The following SPATA9 variants were observed in gnomAD, a reference collection of about 807,000 sequenced individuals.
SPATA9 encodes spermatogenesis-associated protein 9.
SPATA9 carries 27 observed loss-of-function variants against 25.5 expected under a neutral mutation model. The observed-to-expected ratio is 1.06, with a 90% confidence interval of 0.78 to 1.46. The LOEUF (loss-of-function observed/expected upper bound fraction) is 1.46. Among genes scored for constraint, SPATA9 ranks in the 40% most tolerant of loss-of-function variants. The probability of loss-of-function intolerance (pLI) is 0.00; values close to 1 mark genes in which losing one functional copy is unlikely to be tolerated. For missense variants in SPATA9, 282 were observed against 297.5 expected, an observed-to-expected ratio of 0.95 and a Z score of 0.38; for synonymous variants, 102 against 105.7, an observed-to-expected ratio of 0.97 and a Z score of 0.21.
the SPATA9 span, among the ~76,000 whole-genome samples, chr5:95,715,133 G>T: frequency 6.6e-6 from 1 of 152,022 alleles, no homozygotes; most frequent in East Asian, 1.9e-4. Flanking sequence ...AGACCACCCT[G>T]GCCAACATGG....
At chr5:95,654,137 A>G (rs780145449), downstream of SPATA9, 2 of 1,612,198 alleles carry the variant, frequency 1.2e-6, no homozygotes, top group Admixed American at 1.7e-5. Context: ...AGAAGATGAC[A>G]TTAAAAAATC....
chr5:95,683,213 G>A (rs1236175234), upstream of SPATA9, among the ~76,000 whole-genome samples: 6 of 152,122 alleles, frequency 3.9e-5, no homozygotes, highest in Admixed American at 6.5e-5. Context: ...GAGAACAAAA[G>A]GTCCCTTTGA....
At chr5:95,696,720 T>A (rs1754032329) in intron 1 of SPATA9, among the ~76,000 whole-genome samples, 1 of 152,016 alleles carries the variant, frequency 6.6e-6, no homozygotes, top group Admixed American at 6.6e-5. Context: ...TTACAACAAA[T>A]TAAAAGAATT....
At chr5:95,704,739 G>A in the SPATA9 span, among the ~76,000 whole-genome samples, 140 of 152,098 alleles carry the variant, frequency 9.2e-4, 1 homozygote, top group African/African-American at 2.8e-3. Flanking sequence ...ATTTCTCACC[G>A]TTTTAGAGGC....
At chr5:95,707,882 T>C in the SPATA9 span, among the ~76,000 whole-genome samples, 3 of 152,322 alleles carry the variant, frequency 2.0e-5, no homozygotes, top group South Asian at 4.2e-4. Context: ...AGGTTGGGCA[T>C]TACATTCCCC....
upstream of SPATA9, among the ~76,000 whole-genome samples, chr5:95,700,754 G>A (rs991916414): frequency 6.6e-6 from 1 of 152,096 alleles, no homozygotes; most frequent in Non-Finnish European, 1.5e-5. Flanking sequence ...TATAACTATA[G>A]TACAATATCA....
chr5:95,726,699 C>A, the SPATA9 span, among the ~76,000 whole-genome samples: 1 of 152,212 alleles, frequency 6.6e-6, no homozygotes, highest in Non-Finnish European at 1.5e-5. Context: ...CTTGTGCTTG[C>A]ATTTTTAACA....
At chr5:95,653,307 C>T in intron 8 of SPATA9, 2 of 1,508,676 alleles carry the variant, frequency 1.3e-6, no homozygotes, top group Non-Finnish European at 1.8e-6. Flanking sequence ...GTACTCCAGG[C>T]AAAACCAAGT....
At chr5:95,729,979 A>C in the SPATA9 span, among the ~76,000 whole-genome samples, 5 of 152,190 alleles carry the variant, frequency 3.3e-5, no homozygotes, top group Non-Finnish European at 5.9e-5. Flanking sequence ...TATATTTTCT[A>C]TTAACCCAAG....
At chr5:95,727,541 A>G in the SPATA9 span, among the ~76,000 whole-genome samples, 1 of 152,236 alleles carries the variant, frequency 6.6e-6, no homozygotes, top group Non-Finnish European at 1.5e-5. Context: ...CCACTAAAAT[A>G]GGAAAAAAAT....
chr5:95,715,672 G>A, the SPATA9 span, among the ~76,000 whole-genome samples: 1 of 152,098 alleles, frequency 6.6e-6, no homozygotes, highest in East Asian at 1.9e-4. Context: ...ATGATCTCAG[G>A]GTAGGGAAGA....
chr5:95,654,409 A>G (rs778616889), downstream of SPATA9: 47 of 1,266,674 alleles, frequency 3.7e-5, no homozygotes, highest in Non-Finnish European at 4.8e-5. Context: ...TCAGCAAATA[A>G]ATATATTCAA....
chr5:95,724,419 T>C, the SPATA9 span, among the ~76,000 whole-genome samples: 2 of 152,232 alleles, frequency 1.3e-5, no homozygotes, highest in African/African-American at 2.4e-5. Flanking sequence ...ATTTGGAAAA[T>C]GTTTGGGGAG....
At chr5:95,654,124 C>T (rs1750555714), downstream of SPATA9, 1 of 1,611,594 alleles carries the variant, frequency 6.2e-7, no homozygotes, top group Admixed American at 1.7e-5. Flanking sequence ...TGTGTGTGGG[C>T]AGAGAAGATG....
chr5:95,708,815 T>C, the SPATA9 span: 1 of 585,684 alleles, frequency 1.7e-6, no homozygotes, highest in Non-Finnish European at 3.0e-6. Context: ...GCCCTCCAAG[T>C]AGTGTTGACG....
chr5:95,731,632 G>C, the SPATA9 span: 1 of 1,611,170 alleles, frequency 6.2e-7, no homozygotes, highest in Non-Finnish European at 8.5e-7. Flanking sequence ...CCGCGAAGCC[G>C]TGAGCCGCTG....
chr5:95,683,097 G>A, upstream of SPATA9: 7 of 936,046 alleles, frequency 7.5e-6, no homozygotes, highest in East Asian at 6.8e-5. Context: ...GGAGGCATAA[G>A]GGAAGGAGTG....
chr5:95,694,034 C>A (rs1753951489), intron 1 of SPATA9, among the ~76,000 whole-genome samples: 1 of 152,044 alleles, frequency 6.6e-6, no homozygotes, highest in African/African-American at 2.4e-5. Flanking sequence ...GCGTCACACA[C>A]CTGTAGTCCT....
chr5:95,728,189 A>G, the SPATA9 span, among the ~76,000 whole-genome samples: 2 of 152,154 alleles, frequency 1.3e-5, no homozygotes, highest in Non-Finnish European at 2.9e-5. Context: ...TGTACCAGAT[A>G]CTCAATTTGT....
Sources: gnomAD v4.1 joint callset for allele counts (sites outside exome capture counted in the v4.1 genomes callset) on GRCh38, gnomAD v4.1.1 for gene constraint, MANE v1.5 for transcripts, NCBI Gene and HGNC (gene_info 2026-07-23, HGNC 2026-07-21) for gene names.